ADARB2: variants seen among roughly 807,000 people sequenced by gnomAD.
The protein encoded by ADARB2 is inactive double-stranded RNA-specific editase B2.
ADARB2 carries 25 observed loss-of-function variants against 62.2 expected under a neutral mutation model. The observed-to-expected ratio is 0.40, with a 90% CI of 0.29 to 0.56. The LOEUF (loss-of-function observed/expected upper bound fraction) is 0.56. Among genes scored for constraint, ADARB2 ranks in the 20% least tolerant of loss-of-function variants. The pLI, the probability that ADARB2 is intolerant of heterozygous loss-of-function variation, is 0.43. For missense variants in ADARB2, 1,071 were observed against 1,077.4 expected (o/e 0.99, Z 0.08); for synonymous variants, 572 against 500.8 (o/e 1.14, Z -1.90).
chr10:1,247,925 C>G (rs1831001804), intron 4 of ADARB2, among the ~76,000 whole-genome samples: 1 of 152,184 alleles, frequency 6.6e-6, no homozygotes, highest in Non-Finnish European at 1.5e-5. Flanking sequence ...TGCTCTGGTT[C>G]CCCACATGGA....
chr10:1,410,612 T>C (rs1383059803), intron 1 of ADARB2, among the ~76,000 whole-genome samples: 1 of 151,870 alleles, frequency 6.6e-6, no homozygotes, highest in Admixed American at 6.6e-5. Flanking sequence ...ATCACTGGAG[T>C]CTACATAACT....
chr10:1,699,006 C>G (rs1396400169), intron 1 of ADARB2, among the ~76,000 whole-genome samples: 1 of 152,246 alleles, frequency 6.6e-6, no homozygotes, highest in African/African-American at 2.4e-5. Flanking sequence ...ACTTATACAT[C>G]CACCTCGGCC....
At chr10:1,452,767 T>C (rs549674267) in intron 1 of ADARB2, among the ~76,000 whole-genome samples, 1 of 152,044 alleles carries the variant, frequency 6.6e-6, no homozygotes, top group East Asian at 1.9e-4. Context: ...ATCTGCATGT[T>C]CTGCACATGT....
intron 1 of ADARB2, among the ~76,000 whole-genome samples, chr10:1,718,531 C>A (rs1397889982): frequency 6.6e-6 from 1 of 152,246 alleles, no homozygotes; most frequent in Non-Finnish European, 1.5e-5. Context: ...AGTCTCTCTG[C>A]AAATGCTGGG....
intron 1 of ADARB2, among the ~76,000 whole-genome samples, chr10:1,495,292 C>T (rs943257892): frequency 6.6e-6 from 1 of 152,188 alleles, no homozygotes; most frequent in African/African-American, 2.4e-5. Context: ...AGGAAACATT[C>T]AAGTTGTATA....
In ADARB2 at chr10:1,507,618, T is replaced by C. The variant is rs1588281527; in HGVS notation, c.101-128458A>G. 2.0e-5 allele frequency among the ~76,000 whole-genome samples: 3 copies of C among 152,264 alleles called. No individual in the cohort carries two copies. The East Asian group carries it at 5.8e-4, about 29-fold the overall frequency. The stretch of plus-strand genomic sequence containing the variant: ...AATGGCAGGGACTGGAATCTACCAG[T>C]GTAGCTCCTGTGTGGGCACCGGCTC... On this transcript the variant is annotated intron_variant, in intron 1 of 9. Coordinates refer to ENST00000381312, the MANE Select transcript of ADARB2 (RefSeq NM_018702.4).
intron 4 of ADARB2, among the ~76,000 whole-genome samples, chr10:1,268,203 T>C (rs1457423733): frequency 6.6e-6 from 1 of 152,182 alleles, no homozygotes; most frequent in Non-Finnish European, 1.5e-5. Context: ...TATAGAAGTA[T>C]GTAGTACTTA....
Position 1,730,873 on chromosome 10 carries a change from C to G in ADARB2, c.100+6178G>C, listed in dbSNP as rs192550304. On this transcript the variant is annotated intron_variant, in intron 1 of 9. Transcript: ENST00000381312. ...TATTTTATAACCCAAAGAGGACTTA[C>G]CAGACATTTTCCTGCCAGAAACTAG... Among the ~76,000 whole-genome samples the G allele has an allele frequency of 1.4e-4, 21 of 152,200 alleles. No individual in the cohort carries two copies. In the East Asian group the frequency reaches 3.5e-3, roughly 25 times the overall value.
intron 1 of ADARB2, among the ~76,000 whole-genome samples, chr10:1,567,448 C>G (rs1832873395): frequency 6.6e-6 from 1 of 152,148 alleles, no homozygotes; most frequent in Non-Finnish European, 1.5e-5. Context: ...CATCCCAGGT[C>G]TGTCCCTCCC....
intron 3 of ADARB2, among the ~76,000 whole-genome samples, chr10:1,349,741 C>T (rs753226717): frequency 2.0e-5 from 3 of 152,158 alleles, no homozygotes; most frequent in East Asian, 1.9e-4. Flanking sequence ...AAAACTCCGG[C>T]GCTGGTCACG....
intron 1 of ADARB2, among the ~76,000 whole-genome samples, chr10:1,682,142 GCAGT>G (rs1186532523): frequency 1.3e-5 from 2 of 152,216 alleles, no homozygotes; most frequent in African/African-American, 4.8e-5. Flanking sequence ...GGGAAGAGTT[GCAGT>G]CAGTCAGGTG....
chr10:1,639,805 G>T (rs573986390), intron 1 of ADARB2, among the ~76,000 whole-genome samples: 2 of 152,172 alleles, frequency 1.3e-5, no homozygotes, highest in African/African-American at 4.8e-5. Context: ...TCATGCCACT[G>T]CACTCCAGCC....
chr10:1,389,779 A>G (rs1588241511), intron 1 of ADARB2, among the ~76,000 whole-genome samples: 1 of 146,422 alleles, frequency 6.8e-6, no homozygotes, highest in South Asian at 2.2e-4. Context: ...AAATAAATAA[A>G]TAAATAATAA....
intron 1 of ADARB2, among the ~76,000 whole-genome samples, chr10:1,533,276 G>A (rs1832274060): frequency 7.1e-6 from 1 of 140,784 alleles, no homozygotes. Flanking sequence ...GCGCCACCAT[G>A]CCTGGCTCAT....
chr10:1,699,154 A>AG, intron 1 of ADARB2, among the ~76,000 whole-genome samples: 1 of 152,382 alleles, frequency 6.6e-6, no homozygotes, highest in East Asian at 1.9e-4. Flanking sequence ...TGCCAGCTGC[A>AG]GCATACTGCA....
At chr10:1,504,854 T>C (rs1378085315) in intron 1 of ADARB2, among the ~76,000 whole-genome samples, 1 of 152,170 alleles carries the variant, frequency 6.6e-6, no homozygotes, top group Non-Finnish European at 1.5e-5. Flanking sequence ...TTTTTGAAAT[T>C]ACTCTGGACT....
intron 3 of ADARB2, among the ~76,000 whole-genome samples, chr10:1,279,118 T>TA (rs1416857792): frequency 1.3e-5 from 2 of 152,226 alleles, no homozygotes; most frequent in African/African-American, 4.8e-5. Context: ...CTAGGCAGCT[T>TA]AAGCAACGGA....
At chr10:1,246,163 T>C (rs1830984621) in intron 4 of ADARB2, among the ~76,000 whole-genome samples, 1 of 152,130 alleles carries the variant, frequency 6.6e-6, no homozygotes. Context: ...TTCATATCCT[T>C]CACCCACTTT....
chr10:1,306,776 C>T (rs1340587606), intron 3 of ADARB2, among the ~76,000 whole-genome samples: 2 of 149,402 alleles, frequency 1.3e-5, no homozygotes, highest in Non-Finnish European at 1.5e-5. Flanking sequence ...GAAATAACGC[C>T]GCATATCTAC....
Sources: allele counts gnomAD v4.1 joint callset (sites outside exome capture counted in the v4.1 genomes callset), GRCh38; gene constraint gnomAD v4.1.1; transcripts MANE v1.5; gene names NCBI Gene and HGNC (gene_info 2026-07-23, HGNC 2026-07-21).